Variants in UNC5A observed in about 807,000 individuals in gnomAD.
The protein encoded by UNC5A is unc-5 netrin receptor A.
A neutral mutation model predicts 87.4 loss-of-function variants in UNC5A; 20 were observed. That is an observed-to-expected ratio of 0.23 (90% CI 0.16 to 0.33). The LOEUF (loss-of-function observed/expected upper bound fraction) is 0.33, where lower values mean the gene tolerates loss of function less well. UNC5A is among the 10% of genes least tolerant of loss of function. The probability of loss-of-function intolerance (pLI) is 1.00; values close to 1 mark genes in which losing one functional copy is unlikely to be tolerated. For synonymous variants in UNC5A, 438 were observed against 482.3 expected (o/e 0.91, Z 1.20); for missense variants, 844 against 1,133.4 (o/e 0.74, Z 3.67).
At chr5:176,818,122 C>T (rs1756639687) in intron 1 of UNC5A, among the ~76,000 whole-genome samples, 2 of 152,226 alleles carry the variant, frequency 1.3e-5, no homozygotes, top group African/African-American at 4.8e-5. Context: ...CCTGCCCGCC[C>T]TTCCCGGGCC....
chr5:176,871,874 A>C (rs1384551965), intron 6 of UNC5A, among the ~76,000 whole-genome samples: 5 of 10,464 alleles, frequency 4.8e-4, no homozygotes, highest in South Asian at 9.1e-3. Context: ...ACACTCGCCC[A>C]ACACCACAGC....
chr5:176,848,607 C>A lies in UNC5A; in HGVS notation c.71-14017C>A, dbSNP rs1757470167. Reference sequence around the variant, plus strand: ...ATGGGAGCGGCCAGACACCCTATTCCCAGATGGAAGGTGGCAGCAGGGCCC... The same window carrying A: ...ATGGGAGCGGCCAGACACCCTATTCACAGATGGAAGGTGGCAGCAGGGCCC... On this transcript the variant is annotated intron_variant, in intron 1 of 14. Coordinates refer to ENST00000329542, the MANE Select transcript of UNC5A (RefSeq NM_133369.3). The surrounding 1 kb of genome is among the most constrained non-coding windows in gnomAD (Gnocchi z 5.8). Among the ~76,000 whole-genome samples the A allele has an allele frequency of 6.6e-6, 1 of 152,112 alleles. No individual in the cohort carries two copies. The highest frequency in any genetic ancestry group is 1.5e-5 in the Non-Finnish European group (1 of 68,006).
chr5:176,850,726 G>C (rs1412337534), intron 1 of UNC5A, among the ~76,000 whole-genome samples: 1 of 152,188 alleles, frequency 6.6e-6, no homozygotes, highest in Non-Finnish European at 1.5e-5. Context: ...AGCTGGGTTT[G>C]TCCCTAGGTT....
At chr5:176,864,976 C>A (rs1004912263) in intron 2 of UNC5A, 4 of 371,696 alleles carry the variant, frequency 1.1e-5, no homozygotes, top group Non-Finnish European at 2.1e-5. Context: ...TGCAGGAGAA[C>A]CGCAGGCAAG....
At chr5:176,823,585 G>T (rs1052612127) in intron 1 of UNC5A, among the ~76,000 whole-genome samples, 2 of 152,012 alleles carry the variant, frequency 1.3e-5, no homozygotes, top group African/African-American at 4.8e-5. Context: ...TACGGGGTAG[G>T]TCGGTATCAG....
intron 1 of UNC5A, among the ~76,000 whole-genome samples, chr5:176,811,030 G>A (rs2917637): frequency 0.92 from 139,381 of 152,152 alleles, 64,948 homozygotes; most frequent in East Asian, 1. Flanking sequence ...CCAAGTCCAG[G>A]AGCAGCTGTC....
Position 176,878,093 on chromosome 5 carries a change from T to A in UNC5A, c.1835T>A (p.Val612Asp). 1 of 1,609,538 alleles carries A rather than the reference T, an allele frequency of 6.2e-7. No homozygotes were observed. The highest frequency in any genetic ancestry group is 8.5e-7 in the Non-Finnish European group (1 of 1,179,926). Reference sequence around the variant, plus strand: ...ACCTCCCTCGAGTACAACATCCGGGTCTACTGCCTGCATGACACCCACGAT... The same window carrying A: ...ACCTCCCTCGAGTACAACATCCGGGACTACTGCCTGCATGACACCCACGAT... ...ACTSLEYNIR[V>D]YCLHDTHDAL... The change falls in exon 11 of 15, where the codon GTC becomes GAC. Residue 612 changes from valine to aspartate, a missense_variant. Around this residue, in one of 3 missense-constraint regions of UNC5A, gnomAD observed 353 missense variants for 387.5 expected, o/e 0.91. Coordinates refer to ENST00000329542, the MANE Select transcript of UNC5A (RefSeq NM_133369.3).
chr5:176,877,333 G>C (rs1409595898), intron 9 of UNC5A, 54 bp downstream of exon 9: 2 of 1,516,700 alleles, frequency 1.3e-6, no homozygotes, highest in South Asian at 2.3e-5. Context: ...TGCTGCCTTC[G>C]GTCCCCAGGA....
chr5:176,849,200 C>T (rs1011550392), intron 1 of UNC5A, among the ~76,000 whole-genome samples: 2 of 152,154 alleles, frequency 1.3e-5, no homozygotes, highest in African/African-American at 2.4e-5. Flanking sequence ...GTTTGGCCCA[C>T]GGAGTGTTTA....
chr5:176,858,866 G>A (rs576349559), intron 1 of UNC5A, among the ~76,000 whole-genome samples: 103 of 152,228 alleles, frequency 6.8e-4, no homozygotes, highest in Non-Finnish European at 1.1e-3. Flanking sequence ...TGGGGGAGGC[G>A]AGAGGCTCGG....
intron 6 of UNC5A, among the ~76,000 whole-genome samples, chr5:176,871,290 C>T (rs13172244): frequency 1.2e-3 from 2 of 1,642 alleles, no homozygotes; most frequent in Non-Finnish European, 3.1e-3. Flanking sequence ...CTGCCCACAC[C>T]TGCCCCAACA....
At chr5:176,863,658 A>C in intron 2 of UNC5A, among the ~76,000 whole-genome samples, 2 of 150,224 alleles carry the variant, frequency 1.3e-5, no homozygotes, top group African/African-American at 4.9e-5. Flanking sequence ...GGGTTCCGCA[A>C]CTCCCCCAGA....
chr5:176,860,905 C>CA (rs1757820408), intron 1 of UNC5A, among the ~76,000 whole-genome samples: 1 of 152,136 alleles, frequency 6.6e-6, no homozygotes, highest in African/African-American at 2.4e-5. Context: ...GGCAGGTGGG[C>CA]AGGAGGCAGG....
chr5:176,831,883 CTCTTTTTTT>C lies in UNC5A; in HGVS notation c.70+21065_70+21073del, dbSNP rs1298296587. ...TTTCACTTTCACACACTTTCTCTCT[CTCTTTTTTT>C]TTTTTTTTTTTTTTTTTTTTTTGAG... On this transcript the variant is annotated intron_variant, in intron 1 of 14. Coordinates refer to ENST00000329542, the MANE Select transcript of UNC5A (RefSeq NM_133369.3). Among the ~76,000 whole-genome samples, 611 of 115,292 alleles carry C rather than the reference CTCTTTTTTT, an allele frequency of 5.3e-3. 72 individuals are homozygous for C. The highest frequency in any genetic ancestry group is 0.014 in the African/African-American group (393 of 27,284). 75.6% of individuals were successfully genotyped at this position (115,292 alleles called of 152,430 possible). A position where few individuals can be genotyped will look rare whatever the true frequency, so the allele number is the denominator to read the frequency against.
intron 2 of UNC5A, among the ~76,000 whole-genome samples, chr5:176,867,349 C>G (rs1757999461): frequency 1.3e-5 from 2 of 152,170 alleles, no homozygotes; most frequent in South Asian, 4.1e-4. Context: ...TGAGTCCAGC[C>G]TGGAGCGGAG....
intron 1 of UNC5A, among the ~76,000 whole-genome samples, chr5:176,860,742 G>A (rs1005609509): frequency 6.6e-6 from 1 of 152,186 alleles, no homozygotes; most frequent in African/African-American, 2.4e-5. Flanking sequence ...TGGGTCTGAT[G>A]ACCTTCATTT....
At chr5:176,819,678 C>T (rs556099678) in intron 1 of UNC5A, among the ~76,000 whole-genome samples, 34 of 152,354 alleles carry the variant, frequency 2.2e-4, no homozygotes, top group African/African-American at 7.0e-4. Context: ...CATTGGTCCA[C>T]CTCCAGTGCC....
At chr5:176,877,154 G>T (rs1326481491) in intron 8 of UNC5A, 38 bp from the exon 9 acceptor site, 4 of 1,526,054 alleles carry the variant, frequency 2.6e-6, no homozygotes, top group Non-Finnish European at 3.6e-6. Context: ...GGGTGCTTTG[G>T]CAGTGGGTAA....
chr5:176,866,404 G>A lies in UNC5A; in HGVS notation c.293-1726G>A, dbSNP rs1306868783. Among the ~76,000 whole-genome samples, 1 of 152,180 alleles carries A rather than the reference G, an allele frequency of 6.6e-6. No homozygotes were observed. Among genetic ancestry groups the A allele is most frequent in the African/African-American group, 2.4e-5 (1 of 41,456 alleles). On this transcript the variant is annotated intron_variant, in intron 2 of 14. Transcript: ENST00000329542. The surrounding 1 kb of genome is among the most constrained non-coding windows in gnomAD (Gnocchi z 5.0). ...CTCATGCAAGTGAGAGGGAGGAGAG[G>A]AGGTGGCAGGACAGAAGGGGAGGGA... is the stretch of plus-strand genomic sequence containing the variant.
Sources: gnomAD v4.1 joint callset for allele counts (sites outside exome capture counted in the v4.1 genomes callset) on GRCh38, gnomAD v4.1.1 for gene constraint, gnomAD v4.1.1 regional missense constraint, Gnocchi (gnomAD v3.1) non-coding constraint, MANE v1.5 for transcripts, NCBI Gene and HGNC (gene_info 2026-07-23, HGNC 2026-07-21) for gene names.